NAP1L3: variants seen among roughly 807,000 people sequenced by gnomAD.
NAP1L3 encodes the protein nucleosome assembly protein 1 like 3.
For missense variants in NAP1L3, 378 were observed against 369.9 expected (o/e 1.02, Z -0.18); for synonymous variants, 127 against 131.9 (o/e 0.96, Z 0.25).
chrX:93,671,930 C>T lies in NAP1L3; in HGVS notation c.1375G>A (p.Asp459Asn). ...PMIGKLEPRE[D>N]AILDEDFEIG... The stretch of plus-strand genomic sequence containing the variant: ...TCAAAGTCCTCATCCAGGATAGCAT[C>T]TTCTCGTGGTTCCAGCTTCCCAATC... Residue 459 changes from aspartate to asparagine, a missense_variant, in exon 1 of 1, where the codon GAT becomes AAT. Physicochemically the swap from Asp to Asn is conservative, Grantham distance 23 (BLOSUM62 1). Coordinates refer to ENST00000373079, the MANE Select transcript of NAP1L3 (RefSeq NM_004538.6). 3.3e-6 allele frequency: 4 copies of T among 1,210,734 alleles called. No individual in the cohort carries two copies. Among genetic ancestry groups the T allele is most frequent in the Non-Finnish European group, 4.5e-6 (4 of 895,028 alleles).
In NAP1L3 at chrX:93,673,121, TGCTGCTGCC is replaced by T; in HGVS notation, c.175_183del (p.Gly59_Ser61del). 2 of 1,195,540 alleles carry T rather than the reference TGCTGCTGCC, an allele frequency of 1.7e-6. No homozygotes were observed. Among genetic ancestry groups the T allele is most frequent in the Non-Finnish European group, 2.3e-6 (2 of 887,056 alleles). On this transcript the variant is annotated inframe_deletion, in exon 1 of 1. Coordinates refer to ENST00000373079, the MANE Select transcript of NAP1L3 (RefSeq NM_004538.6). ...CTGCTAGTGCTGCCGCTGCTGCTGC[TGCTGCTGCC>T]GCTGCCGCTGCTGCTGCCACTAGTG...
rs1924454575 is a variant in NAP1L3 at position 93,673,341 on chromosome X, G to A, written c.-37C>T. 8.7e-7 allele frequency: 1 copy of A among 1,148,317 alleles called. No homozygotes were observed. 94.6% of individuals were successfully genotyped at this position (1,148,317 alleles called of 1,213,427 possible). Reference sequence around the variant, plus strand: ...ACAAACTCTACCAGGGAGACCGCGCGACCAGAGATGGGCAGAAAATGACTC... The same window carrying A: ...ACAAACTCTACCAGGGAGACCGCGCAACCAGAGATGGGCAGAAAATGACTC... On this transcript the variant is annotated 5_prime_UTR_variant, in exon 1 of 1. Transcript: ENST00000373079.
Position 93,673,064 on chromosome X carries a change from G to A in NAP1L3, c.241C>T (p.Pro81Ser). 8.3e-7 allele frequency: 1 copy of A among 1,211,023 alleles called. No individual in the cohort carries two copies. The highest frequency in any genetic ancestry group is 1.1e-6 in the Non-Finnish European group (1 of 895,375). ...RSRLYRKKRV[P>S]EPSRRARRAP... ...CGCCGCGCCCTTCTGGAAGGCTCAG[G>A]TACCCTCTTCTTTCTATACAAGCGG... Residue 81 changes from proline to serine, a missense_variant, in exon 1 of 1, where the codon CCT becomes TCT. Physicochemically the swap from Pro to Ser is moderately conservative, Grantham distance 74. Coordinates refer to ENST00000373079, the MANE Select transcript of NAP1L3 (RefSeq NM_004538.6).
In NAP1L3 at chrX:93,671,671, A is replaced by G; in HGVS notation, c.*113T>C. On this transcript the variant is annotated 3_prime_UTR_variant, in exon 1 of 1. Transcript: ENST00000373079. ...ACCAAGAAACCACAAAAACTTGACT[A>G]TAAGGAATAATAGTGTTCAGGTTAC... 5.7e-6 allele frequency: 6 copies of G among 1,046,357 alleles called. No individual in the cohort carries two copies. Among genetic ancestry groups the G allele is most frequent in the Non-Finnish European group, 6.2e-6 (5 of 809,372 alleles). The allele number at this position is 1,046,357 out of a possible 1,213,427, so 86.2% of individuals were successfully genotyped here. A position where few individuals can be genotyped will look rare whatever the true frequency, so the allele number is the denominator to read the frequency against.
In NAP1L3 at chrX:93,672,495, C is replaced by T; in HGVS notation, c.810G>A (p.Glu270=). 2 of 1,211,551 alleles carry T rather than the reference C, an allele frequency of 1.7e-6. No individual in the cohort carries two copies. Among genetic ancestry groups the T allele is most frequent in the Non-Finnish European group, 2.2e-6 (2 of 895,525 alleles). ...ADDKEQPKAT[E]AKARAAVRET... is the part of the protein sequence containing the mutation. ...CTCTTACTGCAGCCCTTGCCTTAGCCTCTGTTGCTTTAGGCTGTTCTTTAT... is the reference window on the plus strand; with the variant it reads ...CTCTTACTGCAGCCCTTGCCTTAGCTTCTGTTGCTTTAGGCTGTTCTTTAT... The change falls in exon 1 of 1, where the codon GAG becomes GAA. Residue 270 remains glutamate (E), a synonymous_variant. Coordinates refer to ENST00000373079, the MANE Select transcript of NAP1L3 (RefSeq NM_004538.6).
Position 93,673,124 on chromosome X carries a change from TGCTGCC to T in NAP1L3, c.175_180del (p.Gly59_Ser60del), listed in dbSNP as rs746672924. On this transcript the variant is annotated inframe_deletion, in exon 1 of 1. Coordinates refer to ENST00000373079, the MANE Select transcript of NAP1L3 (RefSeq NM_004538.6). The stretch of plus-strand genomic sequence containing the variant: ...CTAGTGCTGCCGCTGCTGCTGCTGC[TGCTGCC>T]GCTGCCGCTGCTGCTGCCACTAGTG... The T allele has an allele frequency of 6.2e-5, 74 of 1,191,004 alleles. No individual in the cohort carries two copies. The Middle Eastern group carries it at 7.0e-4, about 11-fold the overall frequency.
At position 93,673,012 on chromosome X, in the gene NAP1L3, T is replaced by C. The variant is rs757460888; in HGVS notation, c.293A>G (p.Asp98Gly). The change falls in exon 1 of 1, where the codon GAT becomes GGT. Residue 98 changes from aspartate (D) to glycine (G), a missense_variant. Asp to Gly is a moderately conservative substitution (Grantham distance 94). Coordinates refer to ENST00000373079, the MANE Select transcript of NAP1L3 (RefSeq NM_004538.6). Reference protein sequence around the residue: ...RRAPLGTNFVDRLPQAVRNRV... With the variant: ...RRAPLGTNFVGRLPQAVRNRV... ...ATTTCTAACTGCCTGAGGCAGCCTATCCACGAAATTTGTTCCCAACGGGGC... is the reference window on the plus strand; with the variant it reads ...ATTTCTAACTGCCTGAGGCAGCCTACCCACGAAATTTGTTCCCAACGGGGC... 3.3e-6 allele frequency: 4 copies of C among 1,209,647 alleles called. No homozygotes were observed. Among genetic ancestry groups the C allele is most frequent in the Non-Finnish European group, 4.5e-6 (4 of 895,193 alleles).
At position 93,671,729 on chromosome X, in the gene NAP1L3, G is replaced by T; in HGVS notation, c.*55C>A. Reference sequence around the variant, plus strand: ...GGTTTTACTTTTTTCAAGGCTGTATGAATCTGCTTCACTTCTTGAGATTTT... The same window carrying T: ...GGTTTTACTTTTTTCAAGGCTGTATTAATCTGCTTCACTTCTTGAGATTTT... On this transcript the variant is annotated 3_prime_UTR_variant, in exon 1 of 1. Transcript: ENST00000373079. The T allele has an allele frequency of 8.8e-7, 1 of 1,136,653 alleles. No homozygotes were observed. 93.7% of individuals were successfully genotyped at this position (1,136,653 alleles called of 1,213,427 possible).
chrX:93,673,109 C>A lies in NAP1L3; in HGVS notation c.196G>T (p.Gly66Cys). 3 of 1,203,101 alleles carry A rather than the reference C, an allele frequency of 2.5e-6. No homozygotes were observed. In the South Asian group the frequency reaches 5.3e-5, roughly 21 times the overall value. ...AAGCGGCTGCGGCTGCTAGTGCTGCCGCTGCTGCTGCTGCTGCTGCCGCTG... is the reference window on the plus strand; with the variant it reads ...AAGCGGCTGCGGCTGCTAGTGCTGCAGCTGCTGCTGCTGCTGCTGCCGCTG... ...SGSGSSSSSS[G>C]STSSRSRLYR... Residue 66 changes from glycine to cysteine, a missense_variant, in exon 1 of 1, where the codon GGC becomes TGC. Coordinates refer to ENST00000373079, the MANE Select transcript of NAP1L3 (RefSeq NM_004538.6).
In NAP1L3 at chrX:93,672,919, A is replaced by C; in HGVS notation, c.386T>G (p.Ile129Ser). 3 of 1,211,554 alleles carry C rather than the reference A, an allele frequency of 2.5e-6. No individual in the cohort carries two copies. Among genetic ancestry groups the C allele is most frequent in the Non-Finnish European group, 3.4e-6 (3 of 895,471 alleles). ...AGCATATTTTCTTTCAAGATCATGAATTGCTTTTAAGAACAGGGTATCTAC... is the reference window on the plus strand; with the variant it reads ...AGCATATTTTCTTTCAAGATCATGACTTGCTTTTAAGAACAGGGTATCTAC... Reference protein sequence around the residue: ...DKVDTLFLKAIHDLERKYAEL... With the variant: ...DKVDTLFLKASHDLERKYAEL... The change falls in exon 1 of 1, where the codon ATT becomes AGT. Residue 129 changes from isoleucine (I) to serine (S), a missense_variant. Physicochemically the swap from Ile to Ser is moderately radical, Grantham distance 142. Transcript: ENST00000373079.
chrX:93,672,936 G>A lies in NAP1L3; in HGVS notation c.369C>T (p.Thr123=), dbSNP rs377305516. 10 of 1,211,629 alleles carry A rather than the reference G, an allele frequency of 8.3e-6. No homozygotes were observed. The highest frequency in any genetic ancestry group is 1.7e-5 in the African/African-American group (1 of 57,777). ...GATCATGAATTGCTTTTAAGAACAG[G>A]GTATCTACCTTGTCACATTCATCTT... ...NIQDECDKVD[T]LFLKAIHDLE... The change falls in exon 1 of 1, where the codon ACC becomes ACT. Residue 123 remains threonine (T), a synonymous_variant. Coordinates refer to ENST00000373079, the MANE Select transcript of NAP1L3 (RefSeq NM_004538.6).
Position 93,673,317 on chromosome X carries a change from C to T in NAP1L3, c.-13G>A, listed in dbSNP as rs765790824. ...CTGCTTCTGCCATCTTGCAAGCCTA[C>T]AAACTCTACCAGGGAGACCGCGCGA... On this transcript the variant is annotated 5_prime_UTR_variant, in exon 1 of 1. Transcript: ENST00000373079. The T allele has an allele frequency of 5.1e-6, 6 of 1,174,022 alleles. No homozygotes were observed. In the Admixed American group the frequency reaches 1.4e-4, roughly 28 times the overall value.
At position 93,672,781 on chromosome X, in the gene NAP1L3, T is replaced by A. The variant is rs927588459; in HGVS notation, c.524A>T (p.Glu175Val). The A allele has an allele frequency of 2.5e-6, 3 of 1,209,334 alleles. No individual in the cohort carries two copies. The African/African-American group carries it at 5.3e-5, about 21-fold the overall frequency. ...NSEDEEFSSD[E>V]EVQDNTPSEM... Reference sequence around the variant, plus strand: ...ACTAGGGGTGTTATCCTGCACCTCCTCATCACTGCTGAACTCCTCATCCTC... The same window carrying A: ...ACTAGGGGTGTTATCCTGCACCTCCACATCACTGCTGAACTCCTCATCCTC... Residue 175 changes from glutamate (E) to valine (V), a missense_variant, in exon 1 of 1, where the codon GAG (glutamate) becomes GTG (valine). Transcript: ENST00000373079.
rs1569341736 is a variant in NAP1L3 at position 93,673,115 on chromosome X, T to TGCTGCTGCTGCCGCTGCC, written c.189_190insGGCAGCGGCAGCAGCAGC (p.Ser63_Ser64insGlySerGlySerSerSer). On this transcript the variant is annotated inframe_insertion, in exon 1 of 1. Coordinates refer to ENST00000373079, the MANE Select transcript of NAP1L3 (RefSeq NM_004538.6). ...CTGCGGCTGCTAGTGCTGCCGCTGCTGCTGCTGCTGCTGCCGCTGCCGCTG... is the reference window on the plus strand; with the variant it reads ...CTGCGGCTGCTAGTGCTGCCGCTGCTGCTGCTGCTGCCGCTGCCGCTGCTGCTGCTGCCGCTGCCGCTG... 3.3e-6 allele frequency: 4 copies of TGCTGCTGCTGCCGCTGCC among 1,195,324 alleles called. No homozygotes were observed. In the African/African-American group the frequency reaches 7.1e-5, roughly 21 times the overall value.
Position 93,673,253 on chromosome X carries a change from C to A in NAP1L3, c.52G>T (p.Ala18Ser), listed in dbSNP as rs1274817954. The A allele has an allele frequency of 1.4e-5, 17 of 1,204,791 alleles. No individual in the cohort carries two copies. The African/African-American group carries it at 2.5e-4, about 17-fold the overall frequency. ...GTCGAGCTAGCCATCTCCTCTTCGG[C>A]AACCCCATGGGCGACAGGTTCCGAG... ...MVSEPVAHGV[A>S]EEEMASSTSD... The change falls in exon 1 of 1, where the codon GCC (alanine) becomes TCC (serine). Residue 18 changes from alanine to serine, a missense_variant. Ala to Ser is a moderately conservative substitution (Grantham distance 99). Transcript: ENST00000373079.
chrX:93,671,925 A>G lies in NAP1L3; in HGVS notation c.1380T>C (p.Ala460=). 2 of 1,211,045 alleles carry G rather than the reference A, an allele frequency of 1.7e-6. No individual in the cohort carries two copies. Among genetic ancestry groups the G allele is most frequent in the South Asian group, 3.5e-5 (2 of 56,801 alleles). The change falls in exon 1 of 1, where the codon GCT becomes GCC. Residue 460 remains alanine (A), a synonymous_variant. Coordinates refer to ENST00000373079, the MANE Select transcript of NAP1L3 (RefSeq NM_004538.6). The part of the protein sequence containing the change: ...MIGKLEPRED[A]ILDEDFEIGQ... Reference sequence around the variant, plus strand: ...CAATTTCAAAGTCCTCATCCAGGATAGCATCTTCTCGTGGTTCCAGCTTCC... The same window carrying G: ...CAATTTCAAAGTCCTCATCCAGGATGGCATCTTCTCGTGGTTCCAGCTTCC...
In NAP1L3 at chrX:93,673,127, T is replaced by TGCC. The variant is rs757028815; in HGVS notation, c.175_177dup (p.Gly59dup). ...GTGCTGCCGCTGCTGCTGCTGCTGC[T>TGCC]GCCGCTGCCGCTGCTGCTGCCACTA... On this transcript the variant is annotated inframe_insertion, in exon 1 of 1. Coordinates refer to ENST00000373079, the MANE Select transcript of NAP1L3 (RefSeq NM_004538.6). 120 of 1,191,489 alleles carry TGCC rather than the reference T, an allele frequency of 1.0e-4. No individual in the cohort carries two copies. The highest frequency in any genetic ancestry group is 7.2e-4 in the Admixed American group (30 of 41,929).
rs755775133 is a variant in NAP1L3, at chrX:93,673,183, C to T, written c.122G>A (p.Ser41Asn). 2.5e-6 allele frequency: 3 copies of T among 1,209,756 alleles called. No individual in the cohort carries two copies. The highest frequency in any genetic ancestry group is 1.7e-5 in the African/African-American group (1 of 57,246). Reference sequence around the variant, plus strand: ...GCTGCTGCTGCTGCTGTCACTAGTGCTGCTGCTAGAGCTACTGCTGTCAGA... The same window carrying T: ...GCTGCTGCTGCTGCTGTCACTAGTGTTGCTGCTAGAGCTACTGCTGTCAGA... ...EESDSSSSSSSTSDSSSSSST... is the reference protein window; with the variant it reads ...EESDSSSSSSNTSDSSSSSST... The change falls in exon 1 of 1, where the codon AGC becomes AAC. Residue 41 changes from serine (S) to asparagine (N), a missense_variant. Transcript: ENST00000373079.
At position 93,673,404 on chromosome X, in the gene NAP1L3, C is replaced by A. The variant is rs1924457578; in HGVS notation, c.-100G>T. 3 of 1,105,959 alleles carry A rather than the reference C, an allele frequency of 2.7e-6. No individual in the cohort carries two copies. Among genetic ancestry groups the A allele is most frequent in the Non-Finnish European group, 2.4e-6 (2 of 840,322 alleles). 91.1% of individuals were successfully genotyped at this position (1,105,959 alleles called of 1,213,427 possible). ...GTGGCGGCGGCGGAGGCCCGGGCTG[C>A]GGAGGTGGCAGCGGCGATGGCAGCA... On this transcript the variant is annotated 5_prime_UTR_variant, in exon 1 of 1. Coordinates refer to ENST00000373079, the MANE Select transcript of NAP1L3 (RefSeq NM_004538.6).
Sources: gnomAD v4.1 joint callset for allele counts on GRCh38, gnomAD v4.1.1 for gene constraint, MANE v1.5 for transcripts, NCBI Gene and HGNC (gene_info 2026-07-23, HGNC 2026-07-21) for gene names.